Variants in SH3BGR observed in about 807,000 individuals in gnomAD.
The protein encoded by SH3BGR is SH3 domain-binding glutamic acid-rich protein.
A neutral mutation model predicts 24.5 loss-of-function variants in SH3BGR; 29 were observed. That is an observed-to-expected ratio of 1.18 (90% CI 0.88 to 1.61). SH3BGR has a LOEUF of 1.61. Among genes scored for constraint, SH3BGR ranks in the 40% most tolerant of loss-of-function variants. The probability of loss-of-function intolerance (pLI) is 0.00; values close to 1 mark genes in which losing one functional copy is unlikely to be tolerated. For missense variants in SH3BGR, 162 were observed against 205.8 expected (o/e 0.79, Z 1.30); for synonymous variants, 55 against 65.7 (o/e 0.84, Z 0.79).
intron 3 of SH3BGR, among the ~76,000 whole-genome samples, chr21:39,488,081 G>T (rs985160233): frequency 5.3e-5 from 8 of 152,330 alleles, no homozygotes; most frequent in East Asian, 1.9e-4. Context: ...TTAGTCCTGT[G>T]TAATGAATCC....
chr21:39,484,248 A>G (rs946598182), intron 3 of SH3BGR, among the ~76,000 whole-genome samples: 1 of 152,208 alleles, frequency 6.6e-6, no homozygotes, highest in Non-Finnish European at 1.5e-5. Context: ...CTGGGACTAT[A>G]TCTTTCATAT....
Position 39,511,721 on chromosome 21 carries a change from G to T in SH3BGR, c.477G>T (p.Glu159Asp). The change falls in exon 6 of 7, where the codon GAG (glutamate) becomes GAT (aspartate). Residue 159 changes from glutamate (E) to aspartate (D), a missense_variant. By Grantham distance (45) the Glu-to-Asp change is conservative. Coordinates refer to ENST00000333634, the MANE Select transcript of SH3BGR (RefSeq NM_007341.3). This position sits in a 1 kb window ranked among gnomAD's most constrained non-coding sequence, Gnocchi z 4.2. ...TGGAGGGTGCGGAAGGGGAAGCCGA[G>T]GAGGAGGAAGAAACTGCAGAAGGAG... ...IAMEGAEGEA[E>D]EEEETAEGEE... The T allele has an allele frequency of 6.3e-7, 1 of 1,586,932 alleles. No individual in the cohort carries two copies. The highest frequency in any genetic ancestry group is 8.6e-7 in the Non-Finnish European group (1 of 1,169,030).
intron 2 of SH3BGR, among the ~76,000 whole-genome samples, chr21:39,469,166 C>A (rs2077894052): frequency 6.6e-6 from 1 of 151,850 alleles, no homozygotes; most frequent in East Asian, 1.9e-4. Flanking sequence ...ACAGAAATTT[C>A]CCATGTACCC....
chr21:39,458,647 CTT>C (rs569511494), intron 1 of SH3BGR, among the ~76,000 whole-genome samples: 17 of 130,206 alleles, frequency 1.3e-4, no homozygotes, highest in Admixed American at 2.4e-4. Flanking sequence ...CTAAATCTCA[CTT>C]TTTTTTTTTT....
intron 2 of SH3BGR, among the ~76,000 whole-genome samples, chr21:39,464,514 C>T (rs556170870): frequency 7.9e-5 from 12 of 152,292 alleles, no homozygotes; most frequent in Admixed American, 5.9e-4. Flanking sequence ...TAAGCCACCG[C>T]GCCCGGCCCA....
At chr21:39,501,183 T>C (rs1470844175) in intron 4 of SH3BGR, among the ~76,000 whole-genome samples, 1 of 152,248 alleles carries the variant, frequency 6.6e-6, no homozygotes, top group Non-Finnish European at 1.5e-5. Flanking sequence ...GATGAATACT[T>C]TGAAGTTGAG....
rs147745367 is a variant in SH3BGR at position 39,455,416 on chromosome 21, G to A, written c.45+3275G>A. Among the ~76,000 whole-genome samples, 670 of 152,304 alleles carry A rather than the reference G, an allele frequency of 4.4e-3. 8 individuals are homozygous for A. Among genetic ancestry groups the A allele is most frequent in the African/African-American group, 0.015 (640 of 41,574 alleles). On this transcript the variant is annotated intron_variant, in intron 1 of 6. Transcript: ENST00000333634. ...ATGGCACCCTGGAGGGTGGAGAAGGGGCAAAGGGGGAGAGGTGAAGAGTAG... is the reference window on the plus strand; with the variant it reads ...ATGGCACCCTGGAGGGTGGAGAAGGAGCAAAGGGGGAGAGGTGAAGAGTAG...
chr21:39,497,062 A>G (rs2078408576), intron 3 of SH3BGR, among the ~76,000 whole-genome samples: 2 of 151,874 alleles, frequency 1.3e-5, no homozygotes, highest in South Asian at 2.1e-4. Flanking sequence ...ATATTAAAAT[A>G]TGTCCTCTAA....
intron 4 of SH3BGR, among the ~76,000 whole-genome samples, chr21:39,508,524 T>C (rs918013330): frequency 1.3e-5 from 2 of 152,256 alleles, no homozygotes; most frequent in African/African-American, 4.8e-5. Context: ...AATGTTATCA[T>C]TTTGTTCTCA....
At chr21:39,513,812 C>G (rs536299463) in intron 6 of SH3BGR, among the ~76,000 whole-genome samples, 2 of 152,252 alleles carry the variant, frequency 1.3e-5, no homozygotes, top group African/African-American at 4.8e-5. Context: ...GTAACAGACT[C>G]ATTGGTCCTG....
At chr21:39,479,396 G>A (rs1254553678) in intron 3 of SH3BGR, among the ~76,000 whole-genome samples, 1 of 149,886 alleles carries the variant, frequency 6.7e-6, no homozygotes, top group Non-Finnish European at 1.5e-5. Flanking sequence ...GGTGGTGACA[G>A]TGATGGTGGT....
At chr21:39,471,458 G>A (rs2077939159) in intron 2 of SH3BGR, among the ~76,000 whole-genome samples, 2 of 152,052 alleles carry the variant, frequency 1.3e-5, no homozygotes, top group South Asian at 4.1e-4. Context: ...GCAATTGTAT[G>A]CTTGAGTTTA....
At chr21:39,457,371 A>G (rs1340983622) in intron 1 of SH3BGR, among the ~76,000 whole-genome samples, 1 of 143,568 alleles carries the variant, frequency 7.0e-6, no homozygotes, top group Non-Finnish European at 1.5e-5. Flanking sequence ...TCTTATATAT[A>G]AGATTATTAT....
At chr21:39,448,179 TCA>T (rs978771074), upstream of SH3BGR, among the ~76,000 whole-genome samples, 2 of 152,184 alleles carry the variant, frequency 1.3e-5, no homozygotes, top group African/African-American at 4.8e-5. Flanking sequence ...GATGATTTAA[TCA>T]CAAGACCCCC....
chr21:39,489,861 T>C (rs1182947163), intron 3 of SH3BGR, among the ~76,000 whole-genome samples: 1 of 152,184 alleles, frequency 6.6e-6, no homozygotes, highest in African/African-American at 2.4e-5. Context: ...CATTGAATAA[T>C]AGTGAAATCA....
intron 6 of SH3BGR, among the ~76,000 whole-genome samples, 199 bp from the exon 7 acceptor site, chr21:39,514,889 T>C (rs2246616): frequency 0.42 from 63,436 of 152,140 alleles, 16,075 homozygotes; most frequent in East Asian, 0.68. Context: ...TATGTGTTTA[T>C]GCAGAGAAAG....
intron 3 of SH3BGR, among the ~76,000 whole-genome samples, chr21:39,483,654 C>T (rs1400682794): frequency 6.6e-6 from 1 of 152,178 alleles, no homozygotes; most frequent in Non-Finnish European, 1.5e-5. Context: ...ATATGACCAC[C>T]TACCTCTTAG....
chr21:39,466,015 A>G (rs1454300414), intron 2 of SH3BGR, among the ~76,000 whole-genome samples: 1 of 152,238 alleles, frequency 6.6e-6, no homozygotes, highest in Non-Finnish European at 1.5e-5. Context: ...TGTAGGAATT[A>G]TCTTTATACA....
intron 4 of SH3BGR, among the ~76,000 whole-genome samples, chr21:39,503,385 A>C (rs559281917): frequency 1.2e-4 from 18 of 152,340 alleles, no homozygotes; most frequent in African/African-American, 4.3e-4. Flanking sequence ...TGTTAACTAG[A>C]TGACAAACCA....
Sources: gnomAD v4.1 joint callset for allele counts (sites outside exome capture counted in the v4.1 genomes callset) on GRCh38, gnomAD v4.1.1 for gene constraint, Gnocchi (gnomAD v3.1) non-coding constraint, MANE v1.5 for transcripts, NCBI Gene and HGNC (gene_info 2026-07-23, HGNC 2026-07-21) for gene names.